The following SIPA1L1 variants were observed in gnomAD, a reference collection of about 807,000 sequenced individuals.
The protein encoded by SIPA1L1 is signal induced proliferation associated 1 like 1.
A neutral mutation model predicts 162.7 loss-of-function variants in SIPA1L1; 26 were observed. The ratio of observed to expected loss-of-function variants is 0.16; its 90% CI spans 0.12 to 0.22. The LOEUF (loss-of-function observed/expected upper bound fraction) is 0.22. Among genes scored for constraint, SIPA1L1 ranks in the 10% least tolerant of loss-of-function variants. SIPA1L1 has a pLI of 1.00. For missense variants in SIPA1L1, 1,874 were observed against 2,241.0 expected (o/e 0.84, Z 3.31); for synonymous variants, 829 against 837.4 (o/e 0.99, Z 0.17).
Position 71,576,224 on chromosome 14 carries a change from A to G in SIPA1L1, c.-302-11347A>G, listed in dbSNP as rs1279167163. ...GTAGCAGAAAGGGAAGCATTTTTAGAAAGGAGGGTGCCCTGGTACAAGGAA... is the reference window on the plus strand; with the variant it reads ...GTAGCAGAAAGGGAAGCATTTTTAGGAAGGAGGGTGCCCTGGTACAAGGAA... On this transcript the variant is annotated intron_variant, in intron 4 of 23. Transcript: ENST00000381232. Among the ~76,000 whole-genome samples, 2 of 152,280 alleles carry G rather than the reference A, an allele frequency of 1.3e-5. 1 individual carries two copies. Among genetic ancestry groups the G allele is most frequent in the South Asian group, 4.1e-4 (2 of 4,828 alleles).
Position 71,529,370 on chromosome 14 carries a change from A to G in SIPA1L1, c.-303A>G. 1 of 681,376 alleles carries G rather than the reference A, an allele frequency of 1.5e-6. No homozygotes were observed. The highest frequency in any genetic ancestry group is 2.7e-5 in the East Asian group (1 of 37,064). 42.2% of individuals were successfully genotyped at this position (681,376 alleles called of 1,614,324 possible). On this transcript the variant is annotated splice_region_variant and 5_prime_UTR_variant, in exon 4 of 24. In the 5' UTR this introduces an upstream ATG that the reference lacks. Transcript: ENST00000381232. ...TTCGGTAGCCATGGCACAAGAATAT[A>G]GTAAGTACTATGCCATACTTCCTAT... is the stretch of plus-strand genomic sequence containing the variant.
intron 2 of SIPA1L1, among the ~76,000 whole-genome samples, chr14:71,353,162 A>G (rs1161559732): frequency 6.6e-6 from 1 of 152,260 alleles, no homozygotes; most frequent in Non-Finnish European, 1.5e-5. Context: ...AATATATTCT[A>G]GATGAGTTCT....
intron 7 of SIPA1L1, among the ~76,000 whole-genome samples, chr14:71,633,693 C>G (rs2040831062): frequency 6.6e-6 from 1 of 152,062 alleles, no homozygotes; most frequent in African/African-American, 2.4e-5. Context: ...GCTAGACACC[C>G]TAGAAGCCCC....
In SIPA1L1 at chr14:71,601,550, T is replaced by C. The variant is rs555840291; in HGVS notation, c.1498+12180T>C. Among the ~76,000 whole-genome samples, 14 of 152,304 alleles carry C rather than the reference T, an allele frequency of 9.2e-5. No individual in the cohort carries two copies. In the South Asian group the frequency reaches 2.9e-3, roughly 32 times the overall value. On this transcript the variant is annotated intron_variant, in intron 5 of 23. Coordinates refer to ENST00000381232, the MANE Select transcript of SIPA1L1 (RefSeq NM_001386936.1). ...TCATGTGGAATACTGACCTGCAGTT[T>C]TCTTTTTTTGTTGTGTCCTTATCTG... is the stretch of plus-strand genomic sequence containing the variant.
chr14:71,411,959 T>G (rs2042437471), intron 2 of SIPA1L1, among the ~76,000 whole-genome samples: 1 of 152,208 alleles, frequency 6.6e-6, no homozygotes, highest in African/African-American at 2.4e-5. Context: ...TTTGCTTGAG[T>G]TTAAAATTTG....
chr14:71,620,093 C>T (rs2039266443), intron 6 of SIPA1L1, among the ~76,000 whole-genome samples: 1 of 152,198 alleles, frequency 6.6e-6, no homozygotes, highest in Non-Finnish European at 1.5e-5. Flanking sequence ...GTTTTTGAGA[C>T]AGAGTTTCAC....
intron 2 of SIPA1L1, among the ~76,000 whole-genome samples, chr14:71,365,090 G>A (rs1261514531): frequency 1.3e-5 from 2 of 151,952 alleles, no homozygotes; most frequent in African/African-American, 4.8e-5. Flanking sequence ...GTAGTAGTGC[G>A]ATCACGGCTC....
At chr14:71,682,266 G>A (rs1341454269) in intron 12 of SIPA1L1, among the ~76,000 whole-genome samples, 4 of 152,130 alleles carry the variant, frequency 2.6e-5, no homozygotes, top group African/African-American at 7.2e-5. Context: ...TAGAGTTACC[G>A]TTCATCAACA....
At chr14:71,320,910 G>A (rs572403923) in intron 1 of SIPA1L1, among the ~76,000 whole-genome samples, 1,542 of 151,914 alleles carry the variant, frequency 0.01, 28 homozygotes, top group African/African-American at 0.036. Context: ...CCCTCCTCCG[G>A]GAGCTCGGCC....
chr14:71,593,326 C>T (rs1353037627), intron 5 of SIPA1L1, among the ~76,000 whole-genome samples: 1 of 152,112 alleles, frequency 6.6e-6, no homozygotes, highest in Non-Finnish European at 1.5e-5. Flanking sequence ...ATTCTCGTGC[C>T]TCAGCCTCCC....
intron 2 of SIPA1L1, among the ~76,000 whole-genome samples, chr14:71,332,473 A>G (rs1020317368): frequency 1.3e-5 from 2 of 152,196 alleles, no homozygotes; most frequent in African/African-American, 4.8e-5. Context: ...AGAAATAAAC[A>G]GTCAACTGCA....
chr14:71,407,714 A>G (rs2042124942), intron 2 of SIPA1L1, among the ~76,000 whole-genome samples: 1 of 152,220 alleles, frequency 6.6e-6, no homozygotes, highest in Non-Finnish European at 1.5e-5. Context: ...CATGTTGTCC[A>G]GGCTGGTGAA....
intron 2 of SIPA1L1, among the ~76,000 whole-genome samples, chr14:71,440,210 A>G (rs1001021720): frequency 9.2e-5 from 14 of 151,986 alleles, no homozygotes; most frequent in Non-Finnish European, 1.5e-4. Flanking sequence ...CTATTTTAGT[A>G]GAGATGGGGT....
intron 2 of SIPA1L1, among the ~76,000 whole-genome samples, chr14:71,413,364 G>C (rs1386099915): frequency 6.6e-6 from 1 of 152,214 alleles, no homozygotes; most frequent in Non-Finnish European, 1.5e-5. Context: ...GTAGCAGTCT[G>C]TGGACAGACT....
chr14:71,414,398 A>AAAAAC (rs1435376795), intron 2 of SIPA1L1, among the ~76,000 whole-genome samples: 1 of 152,206 alleles, frequency 6.6e-6, no homozygotes, highest in East Asian at 1.9e-4. Context: ...AAACAAAAAC[A>AAAAAC]AAAACAAAAA....
At chr14:71,335,385 A>G (rs541047714) in intron 2 of SIPA1L1, among the ~76,000 whole-genome samples, 65 of 152,340 alleles carry the variant, frequency 4.3e-4, no homozygotes, top group African/African-American at 1.2e-3. Context: ...CAGAAACACT[A>G]TCACTCTTCA....
intron 5 of SIPA1L1, among the ~76,000 whole-genome samples, chr14:71,603,788 G>A (rs1017072009): frequency 6.6e-6 from 1 of 151,522 alleles, no homozygotes; most frequent in African/African-American, 2.4e-5. Context: ...CCAGGCACGT[G>A]CGTGTAATCC....
chr14:71,678,446 T>C (rs916856090), intron 12 of SIPA1L1, among the ~76,000 whole-genome samples: 5 of 152,232 alleles, frequency 3.3e-5, no homozygotes, highest in African/African-American at 1.2e-4. Context: ...ATTACATTTA[T>C]TGATTTGCAT....
intron 16 of SIPA1L1, among the ~76,000 whole-genome samples, 158 bp downstream of exon 16, chr14:71,705,498 AT>A (rs2059616835): frequency 6.6e-6 from 1 of 152,134 alleles, no homozygotes; most frequent in South Asian, 2.1e-4. Context: ...TTCTGCTGCC[AT>A]GGCCTTTAGA....
Sources: allele counts gnomAD v4.1 joint callset (sites outside exome capture counted in the v4.1 genomes callset), GRCh38; gene constraint gnomAD v4.1.1; transcripts MANE v1.5; gene names NCBI Gene and HGNC (gene_info 2026-07-23, HGNC 2026-07-21).